Variants in ZDHHC21 observed in about 807,000 individuals in gnomAD.
The protein encoded by ZDHHC21 is zDHHC palmitoyltransferase 21.
A neutral mutation model predicts 34.6 loss-of-function variants in ZDHHC21; 15 were observed. That is an observed-to-expected ratio of 0.43 (90% confidence interval 0.29 to 0.67). The LOEUF is 0.67. ZDHHC21 is among the 30% of genes least tolerant of loss of function. The pLI is 0.14. For synonymous variants in ZDHHC21, 142 were observed against 101.8 expected (o/e 1.40, Z -2.38); for missense variants, 344 against 327.7 (o/e 1.05, Z -0.38).
intron 3 of ZDHHC21, 142 bp downstream of exon 3, chr9:14,679,891 T>C (rs1837075913): frequency 6.6e-6 from 1 of 152,202 alleles, no homozygotes; most frequent in African/African-American, 2.4e-5. Context: ...TTGGTTAAAA[T>C]TTAGTATAAA....
chr9:14,661,104 C>T (rs955483630), intron 6 of ZDHHC21, among the ~76,000 whole-genome samples: 1 of 152,120 alleles, frequency 6.6e-6, no homozygotes, highest in African/African-American at 2.4e-5. Flanking sequence ...ATATGTCATA[C>T]ACTACTCTAT....
chr9:14,622,079 G>A (rs1825408801), intron 8 of ZDHHC21, among the ~76,000 whole-genome samples: 1 of 152,020 alleles, frequency 6.6e-6, no homozygotes, highest in African/African-American at 2.4e-5. Context: ...TAACAAACAA[G>A]TTTTTACTAT....
chr9:14,619,808 G>T, intron 8 of ZDHHC21, 126 bp from the exon 9 acceptor site: 3 of 443,698 alleles, frequency 6.8e-6, no homozygotes, highest in Admixed American at 5.1e-5. Context: ...TTATATATGA[G>T]TATTATGAAT....
chr9:14,676,107 G>A (rs891288078), intron 3 of ZDHHC21, among the ~76,000 whole-genome samples: 3 of 151,984 alleles, frequency 2.0e-5, no homozygotes, highest in African/African-American at 4.8e-5. Context: ...AATGTGTACC[G>A]TGAATAAATT....
chr9:14,678,597 T>C (rs753341487), intron 3 of ZDHHC21, among the ~76,000 whole-genome samples: 12 of 152,076 alleles, frequency 7.9e-5, no homozygotes, highest in Non-Finnish European at 1.5e-4. Flanking sequence ...GATACAATCA[T>C]CCTGGGAGGG....
chr9:14,658,907 A>G lies in ZDHHC21; in HGVS notation c.366-20T>C. 1 of 1,592,494 alleles carries G rather than the reference A, an allele frequency of 6.3e-7. No individual in the cohort carries two copies. The highest frequency in any genetic ancestry group is 8.5e-7 in the Non-Finnish European group (1 of 1,172,460). On this transcript the variant is annotated intron_variant, in intron 6 of 9. Coordinates refer to ENST00000380916, the MANE Select transcript of ZDHHC21 (RefSeq NM_178566.6). Reference sequence around the variant, plus strand: ...TTAATCCTAAAGAAAAAAAATGAAAAAGAAACAATATTTTAAATTTCAAGA... The same window carrying G: ...TTAATCCTAAAGAAAAAAAATGAAAGAGAAACAATATTTTAAATTTCAAGA...
chr9:14,641,052 C>T (rs776966340), intron 7 of ZDHHC21, among the ~76,000 whole-genome samples: 13 of 152,124 alleles, frequency 8.5e-5, no homozygotes, highest in Non-Finnish European at 1.6e-4. Context: ...CACAACCACC[C>T]ACATGCTTTC....
Position 14,616,638 on chromosome 9 carries a change from A to G in ZDHHC21, c.*2328T>C, listed in dbSNP as rs1188950181. On this transcript the variant is annotated 3_prime_UTR_variant, in exon 10 of 10. Coordinates refer to ENST00000380916, the MANE Select transcript of ZDHHC21 (RefSeq NM_178566.6). Reference sequence around the variant, plus strand: ...CAGTTGGTTTTTCTCTAGTAGTCTAATAAGAATTAACAAAACCCACAGGAG... The same window carrying G: ...CAGTTGGTTTTTCTCTAGTAGTCTAGTAAGAATTAACAAAACCCACAGGAG... 2 of 151,868 alleles carry G rather than the reference A, an allele frequency of 1.3e-5. No individual in the cohort carries two copies. The highest frequency in any genetic ancestry group is 2.9e-5 in the Non-Finnish European group (2 of 67,820). 9.4% of individuals were successfully genotyped at this position (151,868 alleles called of 1,614,324 possible).
intron 7 of ZDHHC21, among the ~76,000 whole-genome samples, chr9:14,642,896 G>A (rs1175365129): frequency 6.6e-6 from 1 of 152,082 alleles, no homozygotes; most frequent in Non-Finnish European, 1.5e-5. Flanking sequence ...GTTAAAAAAT[G>A]TGCTCATATA....
rs1832061521 is a variant in ZDHHC21 at position 14,655,570 on chromosome 9, G to A, written c.504+3179C>T. ...ATGAAAAATGATGATGACAGAGGGT[G>A]TTCCAAGACCACTGCTTTCATTAGG... On this transcript the variant is annotated intron_variant, in intron 7 of 9. Transcript: ENST00000380916. Among the ~76,000 whole-genome samples the A allele has an allele frequency of 2.0e-5, 3 of 151,802 alleles. 1 individual carries two copies. The highest frequency in any genetic ancestry group is 4.2e-4 in the South Asian group (2 of 4,818).
At chr9:14,619,582 G>GT in intron 9 of ZDHHC21, 57 bp downstream of exon 9, 1 of 1,241,610 alleles carries the variant, frequency 8.1e-7, no homozygotes, top group Admixed American at 2.4e-5. Flanking sequence ...TATTTCTCAA[G>GT]TATGTCCAGT....
the ZDHHC21 span, among the ~76,000 whole-genome samples, chr9:14,599,051 C>A: frequency 6.6e-6 from 1 of 152,162 alleles, no homozygotes; most frequent in East Asian, 1.9e-4. Context: ...ATGTGAGCCA[C>A]CTCACCCATC....
intron 8 of ZDHHC21, among the ~76,000 whole-genome samples, chr9:14,627,286 G>T (rs1480705355): frequency 2.6e-5 from 4 of 152,098 alleles, no homozygotes; most frequent in African/African-American, 9.7e-5. Flanking sequence ...AGGTAGCCAA[G>T]TTAAAACTGT....
At chr9:14,622,488 G>T (rs944579789) in intron 8 of ZDHHC21, 8 of 980,700 alleles carry the variant, frequency 8.2e-6, no homozygotes, top group Non-Finnish European at 9.7e-6. Flanking sequence ...AGGTTGCAGG[G>T]GGGTGGGATA....
At chr9:14,646,075 T>G (rs1353334641) in intron 7 of ZDHHC21, among the ~76,000 whole-genome samples, 2 of 152,148 alleles carry the variant, frequency 1.3e-5, no homozygotes, top group African/African-American at 4.8e-5. Context: ...CACATGCACA[T>G]GGACAGCAGG....
rs1824028571 is a variant in ZDHHC21, at chr9:14,615,664, C to CAGGACCTACA, written c.*3301_*3302insTGTAGGTCCT. On this transcript the variant is annotated 3_prime_UTR_variant, in exon 10 of 10. Coordinates refer to ENST00000380916, the MANE Select transcript of ZDHHC21 (RefSeq NM_178566.6). ...TGCTTGAAGGGTCCTGAACTCAGTC[C>CAGGACCTACA]ATTTTTGCCTACAATCTTAAGCCTA... is the stretch of plus-strand genomic sequence containing the variant. 1 of 151,542 alleles carries CAGGACCTACA rather than the reference C, an allele frequency of 6.6e-6. No individual in the cohort carries two copies. Among genetic ancestry groups the CAGGACCTACA allele is most frequent in the Non-Finnish European group, 1.5e-5 (1 of 67,710 alleles). 9.4% of individuals were successfully genotyped at this position (151,542 alleles called of 1,614,324 possible).
At chr9:14,619,611 A>C (rs1389039932) in intron 9 of ZDHHC21, 28 bp downstream of exon 9, 9 of 1,381,176 alleles carry the variant, frequency 6.5e-6, no homozygotes, top group Non-Finnish European at 9.0e-6. Context: ...ATTTTAAATA[A>C]TACTATACAC....
the ZDHHC21 span, among the ~76,000 whole-genome samples, chr9:14,602,375 T>C: frequency 6.6e-6 from 1 of 150,834 alleles, no homozygotes; most frequent in South Asian, 2.1e-4. Context: ...ATCTTGGGAG[T>C]TCCATGAGAT....
intron 9 of ZDHHC21, 43 bp from the exon 10 acceptor site, chr9:14,619,141 G>T: frequency 6.4e-7 from 1 of 1,558,228 alleles, no homozygotes; most frequent in South Asian, 1.2e-5. Context: ...CACTCCCATG[G>T]TGCACTTCAG....
Sources: gnomAD v4.1 joint callset for allele counts (sites outside exome capture counted in the v4.1 genomes callset) on GRCh38, gnomAD v4.1.1 for gene constraint, MANE v1.5 for transcripts, NCBI Gene and HGNC (gene_info 2026-07-23, HGNC 2026-07-21) for gene names.